The following CDH22 variants were observed in gnomAD, a reference collection of about 807,000 sequenced individuals.
CDH22 encodes the protein cadherin-22.
Under a neutral mutation model 58.4 loss-of-function variants are expected in CDH22, and 30 were observed. That is an observed-to-expected ratio of 0.51 (90% confidence interval 0.38 to 0.70). The LOEUF is 0.70. CDH22 is among the 30% of genes least tolerant of loss of function. The pLI is 0.00. For missense variants in CDH22, 1,014 were observed against 1,233.9 expected, an observed-to-expected ratio of 0.82 and a Z score of 2.67; for synonymous variants, 513 against 558.2, an observed-to-expected ratio of 0.92 and a Z score of 1.14.
At chr20:46,208,600 AATTT>A (rs2086017270) in intron 7 of CDH22, among the ~76,000 whole-genome samples, 1 of 151,356 alleles carries the variant, frequency 6.6e-6, no homozygotes, top group African/African-American at 2.4e-5. Flanking sequence ...TTAATTAATT[AATTT>A]ATTTATTTTG....
intron 1 of CDH22, among the ~76,000 whole-genome samples, chr20:46,263,766 G>T (rs1215215388): frequency 6.6e-6 from 1 of 152,132 alleles, no homozygotes; most frequent in Non-Finnish European, 1.5e-5. Context: ...GGACGGGCCT[G>T]GAGGAGTTGA....
At chr20:46,276,305 C>T (rs2086516807) in intron 1 of CDH22, among the ~76,000 whole-genome samples, 1 of 152,182 alleles carries the variant, frequency 6.6e-6, no homozygotes, top group Admixed American at 6.5e-5. Context: ...AAGGGAGTGA[C>T]AGTGATTAGA....
chr20:46,217,588 T>C (rs564710738), intron 4 of CDH22, among the ~76,000 whole-genome samples: 2 of 152,154 alleles, frequency 1.3e-5, no homozygotes, highest in South Asian at 4.2e-4. Context: ...CAGAATTACA[T>C]ACAGGCCTAT....
intron 1 of CDH22, among the ~76,000 whole-genome samples, chr20:46,276,090 C>A (rs1032705714): frequency 2.0e-5 from 3 of 152,160 alleles, no homozygotes; most frequent in Non-Finnish European, 4.4e-5. Context: ...AGGAGAGATG[C>A]TGGTGAGGTG....
intron 10 of CDH22, among the ~76,000 whole-genome samples, chr20:46,184,856 C>G (rs531632267): frequency 1.3e-5 from 2 of 152,068 alleles, no homozygotes; most frequent in Non-Finnish European, 2.9e-5. Context: ...TAGGCCGAGG[C>G]GGGCAGATCA....
Position 46,233,998 on chromosome 20 carries a change from C to G in CDH22, c.551-6371G>C, listed in dbSNP as rs563697707. Among the ~76,000 whole-genome samples, 20 of 152,346 alleles carry G rather than the reference C, an allele frequency of 1.3e-4. No individual in the cohort carries two copies. The South Asian group carries it at 3.1e-3, about 24-fold the overall frequency. ...GCTACAGACGGGACAATTGGAGGCT[C>G]CCAGCCTGCTGCTGCCCTCTCCAAA... On this transcript the variant is annotated intron_variant, in intron 3 of 11. Coordinates refer to ENST00000537909, the MANE Select transcript of CDH22 (RefSeq NM_021248.3).
chr20:46,186,551 C>G, intron 10 of CDH22, 37 bp downstream of exon 10: 1 of 1,399,776 alleles, frequency 7.1e-7, no homozygotes, highest in South Asian at 1.2e-5. Context: ...GGAGACTGTG[C>G]CCCTCCCTTC....
chr20:46,262,401 T>A (rs559688746), intron 1 of CDH22, among the ~76,000 whole-genome samples: 2 of 152,098 alleles, frequency 1.3e-5, no homozygotes, highest in African/African-American at 4.8e-5. Flanking sequence ...GGGCCCCCAG[T>A]CTTGCCCCCC....
chr20:46,292,384 T>C (rs2086607979), intron 1 of CDH22, among the ~76,000 whole-genome samples: 1 of 152,216 alleles, frequency 6.6e-6, no homozygotes, highest in African/African-American at 2.4e-5. Context: ...AGCTGTGGCT[T>C]TGATGTCAAA....
chr20:46,288,904 C>T (rs2086587755), intron 1 of CDH22, among the ~76,000 whole-genome samples: 1 of 152,194 alleles, frequency 6.6e-6, no homozygotes, highest in African/African-American at 2.4e-5. Context: ...CTGCCCTGGC[C>T]CCCTGCAGAC....
Position 46,210,405 on chromosome 20 carries a change from C to T in CDH22, c.1188G>A (p.Pro396=), listed in dbSNP as rs771584992. The change falls in exon 7 of 12, where the codon CCG becomes CCA. Residue 396 remains proline (P), a synonymous_variant. Transcript: ENST00000537909. The surrounding 1 kb of genome is among the most constrained non-coding windows in gnomAD (Gnocchi z 4.5). ...CCTGCACCTCCAGGAGGCCGGAGGG[C>T]GGCCGGAACTCGGGGGGCTCGTCCA... is the stretch of plus-strand genomic sequence containing the variant. ...TDVDEPPEFR[P]PSGLLEVQED... 33 of 1,461,588 alleles carry T rather than the reference C, an allele frequency of 2.3e-5. No individual in the cohort carries two copies. The highest frequency in any genetic ancestry group is 2.8e-5 in the Non-Finnish European group (31 of 1,107,310). The allele number at this position is 1,461,588 out of a possible 1,614,324, so 90.5% of individuals were successfully genotyped here.
chr20:46,210,428 C>T lies in CDH22; in HGVS notation c.1165G>A (p.Asp389Asn). The change falls in exon 7 of 12, where the codon GAC becomes AAC. Residue 389 changes from aspartate to asparagine, a missense_variant. This residue lies in a region of CDH22 where 806 missense variants were observed against 1,038.7 expected (regional missense o/e 0.78). Coordinates refer to ENST00000537909, the MANE Select transcript of CDH22 (RefSeq NM_021248.3). The surrounding 1 kb of genome is among the most constrained non-coding windows in gnomAD (Gnocchi z 4.5). ...AIVRVAVTDVDEPPEFRPPSG... is the reference protein window; with the variant it reads ...AIVRVAVTDVNEPPEFRPPSG... ...GGCGGCCGGAACTCGGGGGGCTCGT[C>T]CACGTCGGTCACGGCCACGCGCACG... is the stretch of plus-strand genomic sequence containing the variant. 6.9e-7 allele frequency: 1 copy of T among 1,455,626 alleles called. No homozygotes were observed. The highest frequency in any genetic ancestry group is 9.1e-7 in the Non-Finnish European group (1 of 1,103,808). The allele number at this position is 1,455,626 out of a possible 1,614,324, so 90.2% of individuals were successfully genotyped here. A position where few individuals can be genotyped will look rare whatever the true frequency, so the allele number is the denominator to read the frequency against.
chr20:46,266,005 T>TG (rs2086457857), intron 1 of CDH22, among the ~76,000 whole-genome samples: 1 of 151,622 alleles, frequency 6.6e-6, no homozygotes, highest in Non-Finnish European at 1.5e-5. Context: ...ACTGAACTAC[T>TG]GGGGGCCCAG....
intron 1 of CDH22, among the ~76,000 whole-genome samples, chr20:46,261,085 GT>G (rs1235259584): frequency 6.6e-6 from 1 of 152,154 alleles, no homozygotes; most frequent in Admixed American, 6.5e-5. Flanking sequence ...TTATTTTACT[GT>G]ATGTATGACC....
intron 7 of CDH22, among the ~76,000 whole-genome samples, chr20:46,201,801 C>T (rs139338107): frequency 5.4e-4 from 82 of 152,246 alleles, no homozygotes; most frequent in African/African-American, 1.9e-3. Context: ...CCTTGAGTCC[C>T]GCTAGCCTGG....
Position 46,251,387 on chromosome 20 carries a change from A to C in CDH22, c.-93T>G. 4.5e-6 allele frequency: 6 copies of C among 1,325,144 alleles called. No individual in the cohort carries two copies. Among genetic ancestry groups the C allele is most frequent in the African/African-American group, 1.6e-5 (1 of 64,038 alleles). 82.1% of individuals were successfully genotyped at this position (1,325,144 alleles called of 1,614,324 possible). A position where few individuals can be genotyped will look rare whatever the true frequency, so the allele number is the denominator to read the frequency against. On this transcript the variant is annotated 5_prime_UTR_variant, in exon 2 of 12. The change abolishes an upstream ATG in the 5' untranslated region. Transcript: ENST00000537909. This position sits in a 1 kb window ranked among gnomAD's most constrained non-coding sequence, Gnocchi z 6.7. ...GCACAACGATGCGGCGCCGTGTCAC[A>C]TGGTGGCCTCAGCGCGGCCGCCGGG...
At chr20:46,267,381 A>G (rs2086466049) in intron 1 of CDH22, among the ~76,000 whole-genome samples, 1 of 152,210 alleles carries the variant, frequency 6.6e-6, no homozygotes, top group Non-Finnish European at 1.5e-5. Flanking sequence ...TCATTCCCAC[A>G]CACAACCAGT....
intron 10 of CDH22, among the ~76,000 whole-genome samples, chr20:46,178,567 G>T (rs2085759073): frequency 1.4e-5 from 2 of 142,772 alleles, no homozygotes; most frequent in South Asian, 2.2e-4. Flanking sequence ...CTAGGCCAAG[G>T]TCCTGTCCCT....
At chr20:46,225,188 T>C (rs2086162438) in intron 4 of CDH22, among the ~76,000 whole-genome samples, 1 of 152,258 alleles carries the variant, frequency 6.6e-6, no homozygotes, top group South Asian at 2.1e-4. Context: ...ATGCATGTGC[T>C]CTTTGACCAA....
Sources: allele counts gnomAD v4.1 joint callset (sites outside exome capture counted in the v4.1 genomes callset), GRCh38; gene constraint gnomAD v4.1.1; regional missense constraint gnomAD v4.1.1; non-coding constraint Gnocchi (gnomAD v3.1); transcripts MANE v1.5; gene names NCBI Gene and HGNC (gene_info 2026-07-23, HGNC 2026-07-21).